The following WWP2 variants were observed in gnomAD, a reference collection of about 807,000 sequenced individuals.
WWP2 encodes the protein WW domain containing E3 ubiquitin protein ligase 2, also known as NEDD4-like E3 ubiquitin-protein ligase WWP2.
A neutral mutation model predicts 121.0 loss-of-function variants in WWP2; 57 were observed. That is an observed-to-expected ratio of 0.47 (90% CI 0.38 to 0.59). The LOEUF (loss-of-function observed/expected upper bound fraction) is 0.59. Among genes scored for constraint, WWP2 ranks in the 20% least tolerant of loss-of-function variants. The pLI is 0.00. For synonymous variants in WWP2, 449 were observed against 441.3 expected (o/e 1.02, Z -0.22); for missense variants, 962 against 1,158.9 (o/e 0.83, Z 2.47).
chr16:69,769,238 A>G (rs1329522852), intron 1 of WWP2, among the ~76,000 whole-genome samples: 1 of 147,806 alleles, frequency 6.8e-6, no homozygotes. Flanking sequence ...AATTGCTTGA[A>G]CCCGGGAGGT....
chr16:69,783,753 C>T (rs2055715606), intron 1 of WWP2, among the ~76,000 whole-genome samples: 1 of 146,268 alleles, frequency 6.8e-6, no homozygotes, highest in South Asian at 2.1e-4. Flanking sequence ...TGAGACTAGT[C>T]TGGGCAACGT....
rs2058783361 is a variant in WWP2, at chr16:69,935,490, A to C, written c.1843-363A>C. ...TGAGCGCCAGTGAATCAGGGCTGCC[A>C]CCTGCAGCTGTTCAGAGCAAGCCTT... On this transcript the variant is annotated intron_variant, in intron 17 of 23. Coordinates refer to ENST00000359154, the MANE Select transcript of WWP2 (RefSeq NM_001270454.2). This position sits in a 1 kb window ranked among gnomAD's most constrained non-coding sequence, Gnocchi z 5.2. Among the ~76,000 whole-genome samples the C allele has an allele frequency of 6.6e-6, 1 of 152,198 alleles. No individual in the cohort carries two copies. The highest frequency in any genetic ancestry group is 2.1e-4 in the South Asian group (1 of 4,828).
rs568512801 is a variant in WWP2 at position 69,820,724 on chromosome 16, T to C, written c.341-19402T>C. ...TTATTTTGTTTATTTTTCTCATTCATTGTCCTCCACAAATAGAATGTAAGG... is the reference window on the plus strand; with the variant it reads ...TTATTTTGTTTATTTTTCTCATTCACTGTCCTCCACAAATAGAATGTAAGG... On this transcript the variant is annotated intron_variant, in intron 4 of 23. Coordinates refer to ENST00000359154, the MANE Select transcript of WWP2 (RefSeq NM_001270454.2). 2.3e-5 allele frequency among the ~76,000 whole-genome samples: 2 copies of C among 85,586 alleles called. 1 individual carries two copies. The highest frequency in any genetic ancestry group is 1.2e-3 in the South Asian group (2 of 1,732). 56.1% of individuals were successfully genotyped at this position (85,586 alleles called of 152,430 possible). A position where few individuals can be genotyped will look rare whatever the true frequency, so the allele number is the denominator to read the frequency against.
intron 6 of WWP2, among the ~76,000 whole-genome samples, chr16:69,863,322 A>G (rs2057458689): frequency 6.6e-6 from 1 of 152,176 alleles, no homozygotes; most frequent in African/African-American, 2.4e-5. Flanking sequence ...AAAAGCATAC[A>G]GCCAGGTAGT....
intron 6 of WWP2, among the ~76,000 whole-genome samples, chr16:69,859,288 C>T (rs961349843): frequency 6.6e-6 from 1 of 152,188 alleles, no homozygotes; most frequent in Non-Finnish European, 1.5e-5. Flanking sequence ...CACAGTGGCT[C>T]ACGCCTGTAA....
At chr16:69,871,756 C>A in intron 6 of WWP2, 48 bp from the exon 7 acceptor site, 1 of 1,608,394 alleles carries the variant, frequency 6.2e-7, no homozygotes, top group South Asian at 1.1e-5. Flanking sequence ...CACTTCTGTC[C>A]TTTTCACAGT....
intron 5 of WWP2, 71 bp from the exon 6 acceptor site, chr16:69,841,953 G>T (rs1354414052): frequency 6.8e-7 from 1 of 1,466,898 alleles, no homozygotes. Context: ...TCTGTTCCTG[G>T]CCGTCAAATC....
At chr16:69,927,437 C>CTGTG (rs57082779) in intron 11 of WWP2, among the ~76,000 whole-genome samples, 39,656 of 152,168 alleles carry the variant, frequency 0.26, 5,518 homozygotes, top group East Asian at 0.45. Flanking sequence ...GACCCTGGGC[C>CTGTG]TGTGGCTGAA....
rs752061146 is a variant in WWP2, at chr16:69,935,806, G to T, written c.1843-47G>T. 2 of 1,571,942 alleles carry T rather than the reference G, an allele frequency of 1.3e-6. No individual in the cohort carries two copies. Among genetic ancestry groups the T allele is most frequent in the East Asian group, 4.5e-5 (2 of 44,650 alleles). The stretch of plus-strand genomic sequence containing the variant: ...GAGCATCTGAGAGCTGGTCTTGGCA[G>T]TGCCCAGGGAAGGCCAAACCTCTGT... On this transcript the variant is annotated intron_variant, in intron 17 of 23. Coordinates refer to ENST00000359154, the MANE Select transcript of WWP2 (RefSeq NM_001270454.2). This position sits in a 1 kb window ranked among gnomAD's most constrained non-coding sequence, Gnocchi z 5.2.
In WWP2 at chr16:69,858,651, G is replaced by A. The variant is rs1398706560; in HGVS notation, c.576-13153G>A. ...ATTTCTGTGTTGAATGCTTTTCACCGACTGTTCTTTTCAAATCCTTGCAGC... is the reference window on the plus strand; with the variant it reads ...ATTTCTGTGTTGAATGCTTTTCACCAACTGTTCTTTTCAAATCCTTGCAGC... On this transcript the variant is annotated intron_variant, in intron 6 of 23. Coordinates refer to ENST00000359154, the MANE Select transcript of WWP2 (RefSeq NM_001270454.2). Among the ~76,000 whole-genome samples, 4 of 152,022 alleles carry A rather than the reference G, an allele frequency of 2.6e-5. No homozygotes were observed. In the South Asian group the frequency reaches 6.2e-4, roughly 24 times the overall value.
At chr16:69,842,537 T>C (rs2056998965) in intron 6 of WWP2, among the ~76,000 whole-genome samples, 1 of 152,226 alleles carries the variant, frequency 6.6e-6, no homozygotes, top group African/African-American at 2.4e-5. Context: ...TGTTCATGTG[T>C]ACTCAATGTT....
chr16:69,863,375 C>T lies in WWP2; in HGVS notation c.576-8429C>T, dbSNP rs534074306. 1.3e-3 allele frequency among the ~76,000 whole-genome samples: 204 copies of T among 152,300 alleles called. 1 individual carries two copies. Among genetic ancestry groups the T allele is most frequent in the South Asian group, 5.8e-3 (28 of 4,828 alleles). ...TACAGAAAGGCTGGGCGTGATGGCT[C>T]ATGCCTGTAATCCTTGCACTTTGAG... is the stretch of plus-strand genomic sequence containing the variant. On this transcript the variant is annotated intron_variant, in intron 6 of 23. Transcript: ENST00000359154.
chr16:69,828,542 TTTTCGTAGAGACGGG>T (rs1376020785), intron 4 of WWP2, among the ~76,000 whole-genome samples: 1 of 152,036 alleles, frequency 6.6e-6, no homozygotes, highest in Non-Finnish European at 1.5e-5. Flanking sequence ...AATTTTGTAT[TTTTCGTAGAGACGGG>T]TTTCTCCATG....
chr16:69,801,144 G>A (rs748773500), intron 4 of WWP2, among the ~76,000 whole-genome samples: 3 of 145,854 alleles, frequency 2.1e-5, no homozygotes, highest in Admixed American at 1.4e-4. Flanking sequence ...AGCCGAGATT[G>A]CGCCACTGCA....
intron 1 of WWP2, among the ~76,000 whole-genome samples, chr16:69,775,649 T>A (rs904994765): frequency 6.6e-6 from 1 of 152,176 alleles, no homozygotes; most frequent in African/African-American, 2.4e-5. Flanking sequence ...CCTATCTGAG[T>A]CAGGTTCTGA....
intron 1 of WWP2, among the ~76,000 whole-genome samples, chr16:69,782,296 GACAA>G (rs1299411944): frequency 2.0e-5 from 3 of 151,950 alleles, no homozygotes; most frequent in African/African-American, 7.2e-5. Context: ...CAAACAAACA[GACAA>G]ACAGAGGGAT....
At chr16:69,793,911 CTT>C (rs71151135) in intron 2 of WWP2, among the ~76,000 whole-genome samples, 2 of 62,312 alleles carry the variant, frequency 3.2e-5, no homozygotes, top group South Asian at 7.8e-4. Context: ...ATTATCCTTG[CTT>C]TTTTTTTTTT....
chr16:69,866,270 TTTTATTTATTTATTTATTTA>T (rs56801798), intron 6 of WWP2, among the ~76,000 whole-genome samples: 2,562 of 147,960 alleles, frequency 0.017, 48 homozygotes, highest in African/African-American at 0.023. Flanking sequence ...AGGTTTCACA[TTTTATTTATTTATTTATTTA>T]TTTATTTATT....
chr16:69,908,853 A>T lies in WWP2; in HGVS notation c.1004+3A>T, dbSNP rs2058339219. 6.2e-7 allele frequency: 1 copy of T among 1,614,086 alleles called. No homozygotes were observed. Among genetic ancestry groups the T allele is most frequent in the Admixed American group, 1.7e-5 (1 of 60,004 alleles). On this transcript the variant is annotated splice_donor_region_variant and intron_variant, in intron 9 of 23. Coordinates refer to ENST00000359154, the MANE Select transcript of WWP2 (RefSeq NM_001270454.2). ...TGGGAGCGGCCCCTTCCTCCAGGGT[A>T]GGTCATCAACTGAGAAGACCTGAGA... is the stretch of plus-strand genomic sequence containing the variant.
Sources: gnomAD v4.1 joint callset for allele counts (sites outside exome capture counted in the v4.1 genomes callset) on GRCh38, gnomAD v4.1.1 for gene constraint, Gnocchi (gnomAD v3.1) non-coding constraint, MANE v1.5 for transcripts, NCBI Gene and HGNC (gene_info 2026-07-23, HGNC 2026-07-21) for gene names.